Variants in ROBO2 observed in about 807,000 individuals in gnomAD.
ROBO2 encodes roundabout guidance receptor 2, also known as roundabout homolog 2.
Under a neutral mutation model 160.8 loss-of-function variants are expected in ROBO2, and 53 were observed. That is an observed-to-expected ratio of 0.33 (90% CI 0.26 to 0.41). The LOEUF (loss-of-function observed/expected upper bound fraction) is 0.41, where lower values mean the gene tolerates loss of function less well. Ranked by LOEUF, ROBO2 falls within the 10% of genes least tolerant of loss-of-function variation. The probability of loss-of-function intolerance (pLI) is 1.00; values close to 1 mark genes in which losing one functional copy is unlikely to be tolerated. For missense variants in ROBO2, 1,577 were observed against 1,722.4 expected, an observed-to-expected ratio of 0.92 and a Z score of 1.49; for synonymous variants, 664 against 611.7, an observed-to-expected ratio of 1.09 and a Z score of -1.26.
At chr3:77,090,382 T>TTCGCTC (rs1462669375) in intron 1 of ROBO2, among the ~76,000 whole-genome samples, 1 of 121,940 alleles carries the variant, frequency 8.2e-6, no homozygotes, top group Non-Finnish European at 1.6e-5. Context: ...GAGACGGAGT[T>TTCGCTC]TCGCTCTGTG....
chr3:77,044,408 G>C (rs2064418039), intron 1 of ROBO2, among the ~76,000 whole-genome samples: 1 of 151,986 alleles, frequency 6.6e-6, no homozygotes, highest in African/African-American at 2.4e-5. Context: ...TGTGCAATTT[G>C]GTTTTCGAAG....
At chr3:77,642,224 C>G (rs2095359959) in intron 24 of ROBO2, among the ~76,000 whole-genome samples, 1 of 152,268 alleles carries the variant, frequency 6.6e-6, no homozygotes, top group Middle Eastern at 3.4e-3. Flanking sequence ...TTCTAAATTT[C>G]CCGAGGGTGA....
intron 2 of ROBO2, among the ~76,000 whole-genome samples, chr3:77,219,695 G>T (rs1272291475): frequency 2.0e-5 from 3 of 151,106 alleles, no homozygotes; most frequent in Non-Finnish European, 4.4e-5. Context: ...TTAAACAGTA[G>T]TATTTGCCGT....
chr3:76,838,060 A>G (rs1203179769), intron 2 of ROBO2, among the ~76,000 whole-genome samples: 1 of 152,130 alleles, frequency 6.6e-6, no homozygotes, highest in Admixed American at 6.6e-5. Context: ...GCCATGAAAA[A>G]GAGTGATATC....
chr3:76,575,221 C>T (rs1361448693), intron 2 of ROBO2, among the ~76,000 whole-genome samples: 1 of 152,138 alleles, frequency 6.6e-6, no homozygotes, highest in South Asian at 2.1e-4. Flanking sequence ...AATTCCCATT[C>T]TTTCCATTTC....
At chr3:76,523,007 A>G (rs574038598) in intron 2 of ROBO2, among the ~76,000 whole-genome samples, 56 of 148,114 alleles carry the variant, frequency 3.8e-4, no homozygotes, top group Non-Finnish European at 6.8e-4. Context: ...TTATACATAT[A>G]AAATATATAA....
At position 76,759,069 on chromosome 3, in the gene ROBO2, GA is replaced by G. The variant is rs369478632; in HGVS notation, c.110-338941del. Among the ~76,000 whole-genome samples the G allele has an allele frequency of 5.9e-3, 903 of 151,890 alleles. 6 individuals are homozygous for G. Among genetic ancestry groups the G allele is most frequent in the Middle Eastern group, 0.024 (7 of 290 alleles). On this transcript the variant is annotated intron_variant, in intron 2 of 26. Transcript: ENST00000487694. ...TTATTGACTAAACATATTGCAGCTT[GA>G]AAATATATTTACTTTTTCCAATCTC...
chr3:77,558,099 CCAAGAGCAACAATT>C lies in ROBO2; in HGVS notation c.1397_1410del (p.Thr466ArgfsTer6). On this transcript the variant is annotated frameshift_variant, in exon 9 of 26. Transcript: ENST00000461745. LOFTEE classifies it high-confidence loss of function. The stretch of plus-strand genomic sequence containing the variant: ...GGGATTTACTTTTCCGGGTAGAGAT[CCAAGAGCAACAATT>C]CAAGAGCAAGGCACACTGCAGATTA... 6.2e-7 allele frequency: 1 copy of C among 1,613,080 alleles called. No homozygotes were observed. The highest frequency in any genetic ancestry group is 8.5e-7 in the Non-Finnish European group (1 of 1,179,362).
In ROBO2 at chr3:76,119,722, G is replaced by A. The variant is rs530594961; in HGVS notation, c.109+182120G>A. Among the ~76,000 whole-genome samples, 132 of 152,068 alleles carry A rather than the reference G, an allele frequency of 8.7e-4. 1 individual carries two copies. Among genetic ancestry groups the A allele is most frequent in the South Asian group, 1.5e-3 (7 of 4,810 alleles). The stretch of plus-strand genomic sequence containing the variant: ...AGGAAAAAAATGACATTCAAAATAG[G>A]AACCTACTTTATTTTACGCACATAC... On this transcript the variant is annotated intron_variant, in intron 2 of 26. Transcript: ENST00000487694.
intron 2 of ROBO2, among the ~76,000 whole-genome samples, chr3:76,926,775 C>T (rs1294371885): frequency 6.6e-6 from 1 of 152,140 alleles, no homozygotes; most frequent in Non-Finnish European, 1.5e-5. Context: ...CCAGAGAGAG[C>T]TGAGTAACTG....
chr3:76,952,449 AT>A lies in ROBO2; in HGVS notation c.110-145559del, dbSNP rs376027577. ...AGGCATCTGCCACCATGCCCAGCTAATTTTTTGTATTTTTAGTAGAGATGGG... is the reference window on the plus strand; with the variant it reads ...AGGCATCTGCCACCATGCCCAGCTAATTTTTGTATTTTTAGTAGAGATGGG... On this transcript the variant is annotated intron_variant, in intron 2 of 26. Coordinates refer to the ROBO2 transcript ENST00000487694. 1.4e-3 allele frequency among the ~76,000 whole-genome samples: 213 copies of A among 151,776 alleles called. 5 individuals are homozygous for A. In the East Asian group the frequency reaches 0.032, roughly 23 times the overall value.
chr3:77,520,506 T>C (rs991524928), intron 5 of ROBO2, among the ~76,000 whole-genome samples: 11 of 151,222 alleles, frequency 7.3e-5, no homozygotes. Flanking sequence ...ATCGAAATAA[T>C]ATACAATATA....
intron 2 of ROBO2, among the ~76,000 whole-genome samples, chr3:76,756,168 G>A (rs2060956554): frequency 6.6e-6 from 1 of 151,714 alleles, no homozygotes; most frequent in Non-Finnish European, 1.5e-5. Flanking sequence ...CTTGTCTCAA[G>A]CAAATATGTT....
chr3:77,021,711 G>C (rs1029962735), intron 2 of ROBO2, among the ~76,000 whole-genome samples: 12 of 152,190 alleles, frequency 7.9e-5, no homozygotes, highest in Non-Finnish European at 1.2e-4. Flanking sequence ...CCTGGATCAT[G>C]ATGACCCTGC....
At chr3:76,239,702 T>C (rs1705174167) in intron 2 of ROBO2, among the ~76,000 whole-genome samples, 1 of 152,186 alleles carries the variant, frequency 6.6e-6, no homozygotes, top group Non-Finnish European at 1.5e-5. Flanking sequence ...ATTAAAGTCT[T>C]TAATTTTTGT....
intron 2 of ROBO2, among the ~76,000 whole-genome samples, chr3:76,440,964 C>T (rs1484850967): frequency 6.6e-6 from 1 of 152,108 alleles, no homozygotes; most frequent in Non-Finnish European, 1.5e-5. Flanking sequence ...CCAGCACATA[C>T]AGCTGAAAAC....
intron 2 of ROBO2, among the ~76,000 whole-genome samples, chr3:77,185,536 G>A (rs2081201909): frequency 6.6e-6 from 1 of 151,986 alleles, no homozygotes; most frequent in South Asian, 2.1e-4. Flanking sequence ...TGGTGTGGAT[G>A]CAGTGAACAG....
At chr3:77,003,647 G>T (rs1266378631) in intron 2 of ROBO2, among the ~76,000 whole-genome samples, 1 of 152,028 alleles carries the variant, frequency 6.6e-6, no homozygotes, top group Non-Finnish European at 1.5e-5. Context: ...TGCAAGCTCC[G>T]CCTCCTGGGT....
intron 2 of ROBO2, among the ~76,000 whole-genome samples, chr3:76,661,526 T>A (rs1241577979): frequency 6.6e-6 from 1 of 152,126 alleles, no homozygotes; most frequent in Non-Finnish European, 1.5e-5. Flanking sequence ...CAGGCAGACA[T>A]CAATCAATAG....
Sources: gnomAD v4.1 joint callset for allele counts (sites outside exome capture counted in the v4.1 genomes callset) on GRCh38, gnomAD v4.1.1 for gene constraint, MANE v1.5 for transcripts, NCBI Gene and HGNC (gene_info 2026-07-23, HGNC 2026-07-21) for gene names.